Variants in ACCSL observed in about 807,000 individuals in gnomAD.
ACCSL encodes probable inactive 1-aminocyclopropane-1-carboxylate synthase-like protein 2.
Under a neutral mutation model 61.7 loss-of-function variants are expected in ACCSL, and 55 were observed. The ratio of observed to expected loss-of-function variants is 0.89; its 90% CI spans 0.72 to 1.12. The LOEUF is 1.12. Ranked by LOEUF, ACCSL falls within the 50% of genes most tolerant of loss-of-function variation. The pLI, the probability that ACCSL is intolerant of heterozygous loss-of-function variation, is 0.00. For synonymous variants in ACCSL, 258 were observed against 264.3 expected (o/e 0.98, Z 0.23); for missense variants, 632 against 698.0 (o/e 0.91, Z 1.07).
chr11:43,929,321 A>G, the ACCSL span, among the ~76,000 whole-genome samples: 1 of 152,176 alleles, frequency 6.6e-6, no homozygotes, highest in East Asian at 1.9e-4. Flanking sequence ...CTAAGCTCAA[A>G]TGATCCTCCT....
the ACCSL span, among the ~76,000 whole-genome samples, chr11:43,924,370 C>T: frequency 2.6e-5 from 4 of 152,204 alleles, no homozygotes; most frequent in African/African-American, 7.2e-5. Flanking sequence ...GTGGTAGGAG[C>T]GCTGCAGCCA....
intron 8 of ACCSL, 109 bp downstream of exon 8, chr11:44,053,615 C>T: frequency 2.0e-6 from 2 of 1,015,216 alleles, no homozygotes; most frequent in Non-Finnish European, 3.0e-6. Flanking sequence ...GTAATCCCAG[C>T]ACTTTGGGAG....
chr11:43,999,438 C>T, the ACCSL span, among the ~76,000 whole-genome samples: 3 of 152,100 alleles, frequency 2.0e-5, no homozygotes, highest in Non-Finnish European at 4.4e-5. Flanking sequence ...TGGACTAGGG[C>T]AGGATCTGCT....
At chr11:43,957,888 T>C in the ACCSL span, among the ~76,000 whole-genome samples, 1 of 152,178 alleles carries the variant, frequency 6.6e-6, no homozygotes, top group Non-Finnish European at 1.5e-5. Context: ...TCAGGTTTCT[T>C]TGGAATCCCC....
the ACCSL span, among the ~76,000 whole-genome samples, chr11:43,951,379 T>G: frequency 4.6e-5 from 7 of 152,170 alleles, no homozygotes; most frequent in African/African-American, 1.7e-4. Context: ...CCCACTCCAA[T>G]CTATTGTTTT....
At chr11:44,004,339 C>G in the ACCSL span, among the ~76,000 whole-genome samples, 1 of 152,140 alleles carries the variant, frequency 6.6e-6, no homozygotes, top group Admixed American at 6.5e-5. Flanking sequence ...TTTGCTCACC[C>G]CCGCATACCG....
At position 44,052,753 on chromosome 11, in the gene ACCSL, G is replaced by A. The variant is rs77666758; in HGVS notation, c.864G>A (p.Glu288=). 12,041 of 1,614,058 alleles carry A rather than the reference G, an allele frequency of 7.5e-3. 151 individuals carry two copies. Among genetic ancestry groups the A allele is most frequent in the East Asian group, 0.044 (1,974 of 44,870 alleles). Residue 288 remains glutamate, a synonymous_variant, in exon 6 of 14, where the codon GAG becomes GAA. Transcript: ENST00000378832. ...TTGAGTTGATTCCTGTCCACCTGGA[G>A]AGTGAGGTCTGAATGGGGCCCCTTC... ...AKVELIPVHL[E]SEVTVTNTHP...
chr11:43,981,522 G>GT, the ACCSL span, among the ~76,000 whole-genome samples: 2 of 152,218 alleles, frequency 1.3e-5, no homozygotes, highest in African/African-American at 4.8e-5. Flanking sequence ...ATGTCAATAT[G>GT]TTAAAGAAAA....
chr11:43,931,644 G>C, the ACCSL span, among the ~76,000 whole-genome samples: 13 of 152,314 alleles, frequency 8.5e-5, no homozygotes, highest in Non-Finnish European at 1.2e-4. Context: ...TAGTCGTACT[G>C]CTCTGGGAAG....
the ACCSL span, among the ~76,000 whole-genome samples, chr11:43,932,506 C>T: frequency 2.6e-5 from 4 of 152,156 alleles, no homozygotes; most frequent in Admixed American, 6.5e-5. Context: ...TGATCTGAAA[C>T]GATCTGCCTG....
At chr11:43,929,621 G>C in the ACCSL span, among the ~76,000 whole-genome samples, 3 of 152,108 alleles carry the variant, frequency 2.0e-5, no homozygotes, top group South Asian at 2.1e-4. Context: ...TGGCCAGGCT[G>C]GTCTAGAACT....
chr11:43,952,012 A>C, the ACCSL span, among the ~76,000 whole-genome samples: 1 of 152,196 alleles, frequency 6.6e-6, no homozygotes, highest in Non-Finnish European at 1.5e-5. Context: ...GAAAAAGAAA[A>C]AAAAAAGTAC....
At chr11:44,007,157 G>GA in the ACCSL span, among the ~76,000 whole-genome samples, 1 of 152,356 alleles carries the variant, frequency 6.6e-6, no homozygotes, top group African/African-American at 2.4e-5. Context: ...CCAGGGAGCT[G>GA]CAGGGCAGAC....
the ACCSL span, among the ~76,000 whole-genome samples, chr11:43,964,167 A>T: frequency 1.3e-5 from 2 of 152,180 alleles, no homozygotes; most frequent in Admixed American, 1.3e-4. Context: ...GGCTGTGGCC[A>T]GGCGCGGTGG....
chr11:43,923,109 G>A, the ACCSL span, among the ~76,000 whole-genome samples: 1 of 152,204 alleles, frequency 6.6e-6, no homozygotes, highest in Non-Finnish European at 1.5e-5. Context: ...TGCGTGGCAG[G>A]TCTGTCTGGA....
At chr11:44,010,830 G>A in the ACCSL span, among the ~76,000 whole-genome samples, 26 of 152,264 alleles carry the variant, frequency 1.7e-4, no homozygotes, top group African/African-American at 5.8e-4. Context: ...TAACTGAGTC[G>A]GGTCTTGCTG....
chr11:43,943,432 G>C, the ACCSL span: 1 of 1,444,862 alleles, frequency 6.9e-7, no homozygotes, highest in Non-Finnish European at 9.2e-7. This position sits in a 1 kb window ranked among gnomAD's most constrained non-coding sequence, Gnocchi z 4.8. Flanking sequence ...CGAACCGGTC[G>C]GTGCGCCCCT....
upstream of ACCSL, among the ~76,000 whole-genome samples, chr11:44,044,599 G>C (rs1032169533): frequency 1.3e-5 from 2 of 152,102 alleles, no homozygotes; most frequent in African/African-American, 4.8e-5. Flanking sequence ...AATTAGGTGA[G>C]AGTACTGAGA....
At chr11:44,024,435 CTCTCTCTG>C in the ACCSL span, among the ~76,000 whole-genome samples, 1 of 60,104 alleles carries the variant, frequency 1.7e-5, no homozygotes, top group Admixed American at 2.0e-4. Context: ...TTCTCTCTCT[CTCTCTCTG>C]TGTGTGTGTG....
Sources: gnomAD v4.1 joint callset for allele counts (sites outside exome capture counted in the v4.1 genomes callset) on GRCh38, gnomAD v4.1.1 for gene constraint, Gnocchi (gnomAD v3.1) non-coding constraint, MANE v1.5 for transcripts, NCBI Gene and HGNC (gene_info 2026-07-23, HGNC 2026-07-21) for gene names.